NCKAP5: variants seen among roughly 807,000 people sequenced by gnomAD.
NCKAP5 encodes nck-associated protein 5.
A neutral mutation model predicts 167.0 loss-of-function variants in NCKAP5; 92 were observed. The ratio of observed to expected loss-of-function variants is 0.55; its 90% CI spans 0.47 to 0.66. The LOEUF (loss-of-function observed/expected upper bound fraction) is 0.66. NCKAP5 is among the 30% of genes least tolerant of loss of function. The pLI, the probability that NCKAP5 is intolerant of heterozygous loss-of-function variation, is 0.00. For missense variants in NCKAP5, 2,378 were observed against 2,315.0 expected (o/e 1.03, Z -0.56); for synonymous variants, 891 against 877.4 (o/e 1.02, Z -0.27).
rs372462490 is a variant in NCKAP5 at position 133,031,453 on chromosome 2, G to A, written c.342-37214C>T. Among the ~76,000 whole-genome samples, 11 of 152,190 alleles carry A rather than the reference G, an allele frequency of 7.2e-5. No homozygotes were observed. The South Asian group carries it at 8.3e-4, about 11-fold the overall frequency. ...TCACAGATCCCAGCTGTTGGAACTT[G>A]AGTGCCTGCAAACCTTGCCACTGAG... On this transcript the variant is annotated intron_variant, in intron 6 of 19. Transcript: ENST00000409261.
intron 2 of NCKAP5, among the ~76,000 whole-genome samples, chr2:133,537,864 C>A (rs951421204): frequency 1.3e-5 from 2 of 152,144 alleles, no homozygotes; most frequent in Non-Finnish European, 2.9e-5. Flanking sequence ...TCATCTTTCA[C>A]CAGCACTCAT....
At chr2:133,638,050 C>G in the NCKAP5 span, among the ~76,000 whole-genome samples, 1 of 152,158 alleles carries the variant, frequency 6.6e-6, no homozygotes, top group African/African-American at 2.4e-5. Flanking sequence ...GCAGATCTCT[C>G]AAAAGCCATG....
chr2:132,933,371 G>C (rs1696591036), intron 8 of NCKAP5, among the ~76,000 whole-genome samples: 1 of 152,146 alleles, frequency 6.6e-6, no homozygotes, highest in Non-Finnish European at 1.5e-5. Context: ...TCATTGATCT[G>C]TTCCTAGTTC....
At chr2:133,587,664 G>A in the NCKAP5 span, among the ~76,000 whole-genome samples, 1 of 152,228 alleles carries the variant, frequency 6.6e-6, no homozygotes, top group Non-Finnish European at 1.5e-5. Context: ...CCTGCACAAT[G>A]AGGATGAGGT....
At chr2:133,577,430 G>T in the NCKAP5 span, among the ~76,000 whole-genome samples, 1 of 152,040 alleles carries the variant, frequency 6.6e-6, no homozygotes, top group Non-Finnish European at 1.5e-5. Context: ...GCTCTGGTTT[G>T]CTCCCTAGAT....
chr2:132,776,750 A>G (rs553370844), intron 15 of NCKAP5, among the ~76,000 whole-genome samples: 263 of 152,348 alleles, frequency 1.7e-3, no homozygotes, highest in Non-Finnish European at 2.8e-3. Flanking sequence ...TTTTGGCAGC[A>G]GATTCCCCTT....
At chr2:133,441,641 A>G (rs907704727) in intron 3 of NCKAP5, among the ~76,000 whole-genome samples, 5 of 152,354 alleles carry the variant, frequency 3.3e-5, no homozygotes, top group Non-Finnish European at 4.4e-5. Flanking sequence ...AAAATGAAAA[A>G]TAAACTAAGA....
At chr2:133,477,987 G>A (rs1680083611) in intron 3 of NCKAP5, among the ~76,000 whole-genome samples, 1 of 152,178 alleles carries the variant, frequency 6.6e-6, no homozygotes, top group South Asian at 2.1e-4. Flanking sequence ...CAAAACTGAG[G>A]ATAAGAGGGG....
intron 5 of NCKAP5, among the ~76,000 whole-genome samples, chr2:133,212,374 G>T (rs1019288908): frequency 6.6e-6 from 1 of 152,074 alleles, no homozygotes; most frequent in African/African-American, 2.4e-5. Flanking sequence ...GCTTGTGAAA[G>T]TTTCCTTATT....
At chr2:132,714,973 C>T (rs1332625939) in intron 19 of NCKAP5, 1 of 431,018 alleles carries the variant, frequency 2.3e-6, no homozygotes, top group East Asian at 7.1e-5. Context: ...GTGTAATTCG[C>T]TGAGTAATAC....
intron 4 of NCKAP5, among the ~76,000 whole-genome samples, chr2:133,264,204 T>G (rs1434929016): frequency 6.6e-6 from 1 of 152,226 alleles, no homozygotes; most frequent in Non-Finnish European, 1.5e-5. Flanking sequence ...TATGAATTGT[T>G]TATTCTGTGT....
At position 133,178,840 on chromosome 2, in the gene NCKAP5, A is replaced by AC. The variant is rs1349905763; in HGVS notation, c.207+34875_207+34876insG. Among the ~76,000 whole-genome samples, 57 of 150,682 alleles carry AC rather than the reference A, an allele frequency of 3.8e-4. 1 individual carries two copies. Among genetic ancestry groups the AC allele is most frequent in the Non-Finnish European group, 1.6e-4 (11 of 67,586 alleles). ...GCAAGACTCCGTCTCAAAAAAAAAA[A>AC]AAAAAAAAAAAAACCCAGGTCTCTC... is the stretch of plus-strand genomic sequence containing the variant. On this transcript the variant is annotated intron_variant, in intron 5 of 19. Coordinates refer to ENST00000409261, the MANE Select transcript of NCKAP5 (RefSeq NM_207363.3).
At chr2:132,936,817 C>A (rs967205866) in intron 8 of NCKAP5, among the ~76,000 whole-genome samples, 1 of 152,016 alleles carries the variant, frequency 6.6e-6, no homozygotes, top group African/African-American at 2.4e-5. Flanking sequence ...GCATATGTAT[C>A]AACTTTATAA....
At chr2:133,593,963 C>G in the NCKAP5 span, among the ~76,000 whole-genome samples, 1 of 152,222 alleles carries the variant, frequency 6.6e-6, no homozygotes, top group Non-Finnish European at 1.5e-5. Flanking sequence ...AGAGCCCAAC[C>G]TGGAGACCAG....
the NCKAP5 span, among the ~76,000 whole-genome samples, chr2:133,619,527 C>G: frequency 6.6e-6 from 1 of 151,654 alleles, no homozygotes; most frequent in Non-Finnish European, 1.5e-5. Flanking sequence ...ATTAACCCAA[C>G]CCAACAAAGA....
intron 3 of NCKAP5, among the ~76,000 whole-genome samples, chr2:133,375,059 G>A (rs546962210): frequency 2.0e-5 from 3 of 152,296 alleles, no homozygotes; most frequent in South Asian, 2.1e-4. Context: ...GCCAAGCCCT[G>A]CAGAAGATGG....
the NCKAP5 span, among the ~76,000 whole-genome samples, chr2:133,621,138 T>C: frequency 1.3e-5 from 2 of 152,134 alleles, no homozygotes; most frequent in Admixed American, 6.5e-5. Flanking sequence ...AGAAGAAAAG[T>C]TCCTAGGACT....
At chr2:133,384,332 G>C (rs962311860) in intron 3 of NCKAP5, among the ~76,000 whole-genome samples, 6 of 152,152 alleles carry the variant, frequency 3.9e-5, no homozygotes, top group African/African-American at 1.2e-4. Flanking sequence ...CCCATTTCTT[G>C]TTTTTGTCAG....
At chr2:133,533,487 A>G (rs1685523685) in intron 2 of NCKAP5, among the ~76,000 whole-genome samples, 1 of 152,244 alleles carries the variant, frequency 6.6e-6, no homozygotes, top group Non-Finnish European at 1.5e-5. Context: ...AGTTATTTTT[A>G]AAGTTTGAAT....
Sources: gnomAD v4.1 joint callset for allele counts (sites outside exome capture counted in the v4.1 genomes callset) on GRCh38, gnomAD v4.1.1 for gene constraint, MANE v1.5 for transcripts, NCBI Gene and HGNC (gene_info 2026-07-23, HGNC 2026-07-21) for gene names.